Variants in NEK11 observed in about 807,000 individuals in gnomAD.
NEK11 encodes the protein NIMA related kinase 11.
A neutral mutation model predicts 80.7 loss-of-function variants in NEK11; 72 were observed. The ratio of observed to expected loss-of-function variants is 0.89; its 90% CI spans 0.74 to 1.08. NEK11 has a LOEUF of 1.08. Ranked by LOEUF, NEK11 falls within the 50% of genes least tolerant of loss-of-function variation. NEK11 has a pLI of 0.00. For synonymous variants in NEK11, 251 were observed against 260.7 expected, an observed-to-expected ratio of 0.96 and a Z score of 0.36; for missense variants, 764 against 763.6, an observed-to-expected ratio of 1.00 and a Z score of -0.01.
intron 3 of NEK11, among the ~76,000 whole-genome samples, chr3:131,070,564 CATA>C (rs2073091291): frequency 6.6e-6 from 1 of 152,306 alleles, no homozygotes; most frequent in East Asian, 1.9e-4. Flanking sequence ...GAAGAACAGA[CATA>C]GGGTCATTAG....
At chr3:131,178,897 C>T (rs1026808502) in intron 14 of NEK11, among the ~76,000 whole-genome samples, 3 of 152,164 alleles carry the variant, frequency 2.0e-5, no homozygotes, top group African/African-American at 4.8e-5. Flanking sequence ...ATATGTGGTT[C>T]GTTGTTGACT....
At chr3:131,150,356 A>G (rs1314289966) in intron 7 of NEK11, among the ~76,000 whole-genome samples, 1 of 151,482 alleles carries the variant, frequency 6.6e-6, no homozygotes, top group East Asian at 1.9e-4. Context: ...CATCGTGTAG[A>G]TTTTTTCTAT....
chr3:131,336,857 T>G (rs1035514737), intron 17 of NEK11, among the ~76,000 whole-genome samples: 2 of 152,254 alleles, frequency 1.3e-5, no homozygotes, highest in South Asian at 4.1e-4. Flanking sequence ...AAAAGACACA[T>G]GTAAAAATGC....
chr3:131,277,607 GCTGCCATC>G (rs1245898384), intron 17 of NEK11, among the ~76,000 whole-genome samples: 3 of 152,232 alleles, frequency 2.0e-5, no homozygotes, highest in African/African-American at 7.2e-5. Flanking sequence ...TGGTGATCAT[GCTGCCATC>G]CTTCTCCAAG....
chr3:131,050,723 A>G (rs1246549511), intron 3 of NEK11, among the ~76,000 whole-genome samples: 1 of 152,228 alleles, frequency 6.6e-6, no homozygotes, highest in Non-Finnish European at 1.5e-5. Flanking sequence ...GCATTTTAGT[A>G]AAAGTTCTCT....
At chr3:131,070,567 A>AG (rs1560257382) in intron 3 of NEK11, among the ~76,000 whole-genome samples, 2 of 152,244 alleles carry the variant, frequency 1.3e-5, no homozygotes, top group Non-Finnish European at 2.9e-5. Flanking sequence ...GAACAGACAT[A>AG]GGGTCATTAG....
At chr3:131,071,935 A>G (rs1034814612) in intron 3 of NEK11, among the ~76,000 whole-genome samples, 3 of 152,234 alleles carry the variant, frequency 2.0e-5, no homozygotes, top group African/African-American at 7.2e-5. Flanking sequence ...CAGCATAGCT[A>G]TACCTAAATA....
intron 16 of NEK11, among the ~76,000 whole-genome samples, chr3:131,250,362 C>G (rs2095677694): frequency 6.6e-6 from 1 of 151,920 alleles, no homozygotes; most frequent in Non-Finnish European, 1.5e-5. Context: ...TATTTTTCAA[C>G]AATAACTAAA....
rs77925845 is a variant in NEK11 at position 131,173,634 on chromosome 3, A to G, written c.1399+2747A>G. ...TAGGTAGAAGCAATTGACTTGTAAG[A>G]AACAGAAAAACATGTCAAAGGAACT... On this transcript the variant is annotated intron_variant, in intron 14 of 17. Coordinates refer to ENST00000383366, the MANE Select transcript of NEK11 (RefSeq NM_024800.5). Among the ~76,000 whole-genome samples, 1,225 of 151,792 alleles carry G rather than the reference A, an allele frequency of 8.1e-3. 22 individuals carry two copies. The highest frequency in any genetic ancestry group is 0.028 in the African/African-American group (1,157 of 41,350).
chr3:131,311,825 C>T (rs1408679807), intron 17 of NEK11, among the ~76,000 whole-genome samples: 2 of 152,058 alleles, frequency 1.3e-5, no homozygotes, highest in Non-Finnish European at 2.9e-5. Flanking sequence ...GATAAACATC[C>T]CAGAGAAGAT....
intron 9 of NEK11, 114 bp downstream of exon 9, chr3:131,152,823 G>T: frequency 1.3e-6 from 1 of 780,408 alleles, no homozygotes; most frequent in Non-Finnish European, 2.1e-6. Flanking sequence ...CAGAAAGGAG[G>T]AAAAAGGCCA....
At position 131,212,143 on chromosome 3, in the gene NEK11, G is replaced by A. The variant is rs535206777; in HGVS notation, c.1400-16385G>A. Among the ~76,000 whole-genome samples the A allele has an allele frequency of 1.7e-4, 26 of 152,156 alleles. No individual in the cohort carries two copies. In the South Asian group the frequency reaches 1.9e-3, roughly 11 times the overall value. On this transcript the variant is annotated intron_variant, in intron 14 of 17. Transcript: ENST00000383366. ...TTTGATGATGGTGACCTACAGATGC[G>A]GTTTTGGTGTGCATGTCCTTTTTGT...
In NEK11 at chr3:131,215,312, T is replaced by C. The variant is rs559723847; in HGVS notation, c.1400-13216T>C. 1.3e-3 allele frequency among the ~76,000 whole-genome samples: 198 copies of C among 150,412 alleles called. 1 individual carries two copies. Among genetic ancestry groups the C allele is most frequent in the Non-Finnish European group, 7.8e-4 (53 of 67,634 alleles). Reference sequence around the variant, plus strand: ...GGGGAAGGGATAGCATTAGGAGATATACCTAATGTAAATGACGAGTTAATG... The same window carrying C: ...GGGGAAGGGATAGCATTAGGAGATACACCTAATGTAAATGACGAGTTAATG... On this transcript the variant is annotated intron_variant, in intron 14 of 17. Transcript: ENST00000383366.
At chr3:131,349,424 G>A (rs1023177814) in intron 17 of NEK11, 133 bp from the exon 18 acceptor site, 4 of 678,242 alleles carry the variant, frequency 5.9e-6, no homozygotes, top group African/African-American at 1.8e-5. Context: ...TGGAGATATT[G>A]TGCCTTTTCT....
At chr3:131,198,278 C>T (rs1015725245) in intron 14 of NEK11, among the ~76,000 whole-genome samples, 3 of 152,104 alleles carry the variant, frequency 2.0e-5, no homozygotes, top group African/African-American at 4.8e-5. Flanking sequence ...AAGCTGAGGT[C>T]GGGATCAGTC....
At chr3:131,138,480 A>G (rs2086119565) in intron 7 of NEK11, among the ~76,000 whole-genome samples, 1 of 152,164 alleles carries the variant, frequency 6.6e-6, no homozygotes, top group Non-Finnish European at 1.5e-5. Context: ...AGGACCTAGG[A>G]AACTCACACC....
chr3:131,174,355 T>G (rs1428903270), intron 14 of NEK11, among the ~76,000 whole-genome samples: 1 of 152,182 alleles, frequency 6.6e-6, no homozygotes, highest in African/African-American at 2.4e-5. Context: ...TTTTAGAAGA[T>G]TAGACTGCAA....
At chr3:131,272,254 T>C (rs2096204409) in intron 16 of NEK11, among the ~76,000 whole-genome samples, 1 of 152,102 alleles carries the variant, frequency 6.6e-6, no homozygotes, top group African/African-American at 2.4e-5. Context: ...CTCTCTGACA[T>C]AGCAACTACA....
Position 131,154,849 on chromosome 3 carries a change from C to A in NEK11, c.877-187C>A. On this transcript the variant is annotated intron_variant, in intron 9 of 17. Transcript: ENST00000383366. The stretch of plus-strand genomic sequence containing the variant: ...CTGGAGAGACAGGCAGGAGCCTGAC[C>A]CTGCAAGATCTTCTTGGAAAAGCTA... 1.1e-5 allele frequency: 6 copies of A among 542,906 alleles called. No homozygotes were observed. In the South Asian group the frequency reaches 1.6e-4, roughly 14 times the overall value. The allele number at this position is 542,906 out of a possible 1,614,324, so 33.6% of individuals were successfully genotyped here.
Sources: allele counts gnomAD v4.1 joint callset (sites outside exome capture counted in the v4.1 genomes callset), GRCh38; gene constraint gnomAD v4.1.1; transcripts MANE v1.5; gene names NCBI Gene and HGNC (gene_info 2026-07-23, HGNC 2026-07-21).